Variants in FSTL4 observed in about 807,000 individuals in gnomAD.
The protein encoded by FSTL4 is follistatin-related protein 4.
Under a neutral mutation model 78.2 loss-of-function variants are expected in FSTL4, and 28 were observed. That is an observed-to-expected ratio of 0.36 (90% CI 0.27 to 0.49). The LOEUF is 0.49. Among genes scored for constraint, FSTL4 ranks in the 20% least tolerant of loss-of-function variants. FSTL4 has a pLI of 0.98. For missense variants in FSTL4, 922 were observed against 1,084.9 expected, an observed-to-expected ratio of 0.85 and a Z score of 2.11; for synonymous variants, 422 against 440.5, an observed-to-expected ratio of 0.96 and a Z score of 0.53.
chr5:133,232,751 T>C (rs1007257431), intron 8 of FSTL4, among the ~76,000 whole-genome samples: 1 of 152,148 alleles, frequency 6.6e-6, no homozygotes, highest in African/African-American at 2.4e-5. Context: ...GATACGTGGA[T>C]GGGAAGGTCC....
At chr5:133,605,926 G>A (rs7722071) in intron 1 of FSTL4, among the ~76,000 whole-genome samples, 32,338 of 151,926 alleles carry the variant, frequency 0.21, 3,599 homozygotes, top group East Asian at 0.26. Context: ...GAATAATGCC[G>A]CTTCAGCTGC....
At chr5:133,750,610 G>C in the FSTL4 span, among the ~76,000 whole-genome samples, 2 of 152,134 alleles carry the variant, frequency 1.3e-5, no homozygotes, top group African/African-American at 2.4e-5. Context: ...GGGAAAACAA[G>C]TCCCTAGAGT....
At chr5:133,685,436 T>C in the FSTL4 span, among the ~76,000 whole-genome samples, 1 of 152,134 alleles carries the variant, frequency 6.6e-6, no homozygotes, top group African/African-American at 2.4e-5. Flanking sequence ...GCAGTGACCA[T>C]CAAGAGCCTA....
intron 3 of FSTL4, among the ~76,000 whole-genome samples, chr5:133,521,516 CG>C (rs899735303): frequency 2.6e-5 from 4 of 151,992 alleles, no homozygotes; most frequent in African/African-American, 4.8e-5. Flanking sequence ...TCTTCAGCAC[CG>C]GGGAGAGTGC....
the FSTL4 span, among the ~76,000 whole-genome samples, chr5:133,836,021 G>A: frequency 6.6e-6 from 1 of 152,218 alleles, no homozygotes; most frequent in Middle Eastern, 3.4e-3. Context: ...TATTTGCATA[G>A]TAAATACACA....
chr5:133,627,601 T>C, the FSTL4 span, among the ~76,000 whole-genome samples: 140 of 152,324 alleles, frequency 9.2e-4, no homozygotes, highest in African/African-American at 3.2e-3. Flanking sequence ...AATGTTTGCA[T>C]ACTTTTACAT....
chr5:133,513,901 G>T (rs548518163), intron 3 of FSTL4, among the ~76,000 whole-genome samples: 1 of 152,138 alleles, frequency 6.6e-6, no homozygotes, highest in Non-Finnish European at 1.5e-5. Context: ...TGTCGGGGCC[G>T]GGCGCGGTGG....
At chr5:133,257,305 C>T (rs1052749291) in intron 6 of FSTL4, among the ~76,000 whole-genome samples, 9 of 152,122 alleles carry the variant, frequency 5.9e-5, no homozygotes, top group Non-Finnish European at 1.2e-4. Context: ...GTTAAGGGCC[C>T]GTGACTCCTG....
chr5:133,779,722 A>C, the FSTL4 span, among the ~76,000 whole-genome samples: 1 of 152,208 alleles, frequency 6.6e-6, no homozygotes, highest in Non-Finnish European at 1.5e-5. Flanking sequence ...CAGATGACCC[A>C]GGCCCTGCCT....
At chr5:133,496,915 C>A (rs571837162) in intron 3 of FSTL4, among the ~76,000 whole-genome samples, 1 of 152,196 alleles carries the variant, frequency 6.6e-6, no homozygotes. Context: ...CTGACTCCCC[C>A]TTACTGCCTC....
the FSTL4 span, among the ~76,000 whole-genome samples, chr5:133,645,760 G>A: frequency 9.4e-3 from 1,425 of 152,200 alleles, 33 homozygotes; most frequent in African/African-American, 0.034. Context: ...GAAGCAATGC[G>A]ACCATGGGGA....
the FSTL4 span, among the ~76,000 whole-genome samples, chr5:133,627,376 T>C: frequency 0.039 from 5,964 of 152,196 alleles, 194 homozygotes; most frequent in African/African-American, 0.093. Flanking sequence ...GGGTTTCCCC[T>C]TATAAAACCA....
the FSTL4 span, among the ~76,000 whole-genome samples, chr5:133,664,667 T>C: frequency 2.6e-5 from 4 of 152,254 alleles, no homozygotes; most frequent in African/African-American, 9.6e-5. Context: ...TTTGCAGCTT[T>C]GTCAGTGTTT....
chr5:133,206,413 T>G (rs1750506283), intron 14 of FSTL4, among the ~76,000 whole-genome samples: 1 of 152,176 alleles, frequency 6.6e-6, no homozygotes, highest in African/African-American at 2.4e-5. Flanking sequence ...TGGAATGCAG[T>G]GACACGATCT....
the FSTL4 span, among the ~76,000 whole-genome samples, chr5:133,723,162 T>C: frequency 6.6e-6 from 1 of 152,156 alleles, no homozygotes; most frequent in Non-Finnish European, 1.5e-5. Flanking sequence ...ATGTACAGTT[T>C]TACTTTTGAG....
intron 3 of FSTL4, among the ~76,000 whole-genome samples, chr5:133,406,828 C>T (rs1161630484): frequency 6.6e-6 from 1 of 152,230 alleles, no homozygotes; most frequent in Admixed American, 6.5e-5. Flanking sequence ...CTACTCAGCA[C>T]ATATTTGTGG....
rs115998869 is a variant in FSTL4 at position 133,354,066 on chromosome 5, C to T, written c.410-37414G>A. ...GCATCCGGTCTTAATTCTGCTCCTG[C>T]TATGTGGCCTCAGAGAGGTCACTTA... On this transcript the variant is annotated intron_variant, in intron 4 of 15. Coordinates refer to ENST00000265342, the MANE Select transcript of FSTL4 (RefSeq NM_015082.2). Among the ~76,000 whole-genome samples, 1,106 of 152,298 alleles carry T rather than the reference C, an allele frequency of 7.3e-3. 14 individuals are homozygous for T. Among genetic ancestry groups the T allele is most frequent in the African/African-American group, 0.025 (1,042 of 41,558 alleles).
At chr5:133,483,090 T>C (rs954650172) in intron 3 of FSTL4, among the ~76,000 whole-genome samples, 1 of 152,118 alleles carries the variant, frequency 6.6e-6, no homozygotes, top group African/African-American at 2.4e-5. Context: ...GCTGTTCTCA[T>C]GATAGTGAAT....
chr5:133,404,607 A>G (rs1756312409), intron 3 of FSTL4, among the ~76,000 whole-genome samples: 1 of 152,150 alleles, frequency 6.6e-6, no homozygotes, highest in South Asian at 2.1e-4. Flanking sequence ...TCCCTCTGTG[A>G]TCTGAATAAG....
Sources: allele counts gnomAD v4.1 joint callset (sites outside exome capture counted in the v4.1 genomes callset), GRCh38; gene constraint gnomAD v4.1.1; transcripts MANE v1.5; gene names NCBI Gene and HGNC (gene_info 2026-07-23, HGNC 2026-07-21).